The following RPS6KA1 variants were observed in gnomAD, a reference collection of about 807,000 sequenced individuals.
RPS6KA1 encodes ribosomal protein S6 kinase alpha-1.
A neutral mutation model predicts 91.3 loss-of-function variants in RPS6KA1; 48 were observed. That is an observed-to-expected ratio of 0.53 (90% CI 0.42 to 0.67). The LOEUF (loss-of-function observed/expected upper bound fraction) is 0.67. RPS6KA1 is among the 30% of genes least tolerant of loss of function. The pLI is 0.00. For synonymous variants in RPS6KA1, 359 were observed against 384.7 expected (o/e 0.93, Z 0.78); for missense variants, 719 against 960.5 (o/e 0.75, Z 3.32).
At chr1:26,560,460 C>G (rs1031396548) in intron 14 of RPS6KA1, among the ~76,000 whole-genome samples, 2 of 152,214 alleles carry the variant, frequency 1.3e-5, no homozygotes, top group Non-Finnish European at 2.9e-5. Context: ...TGTTGTGACC[C>G]TGTTTCCCAC....
At chr1:26,568,498 C>G (rs1225400473) in intron 17 of RPS6KA1, among the ~76,000 whole-genome samples, 1 of 152,188 alleles carries the variant, frequency 6.6e-6, no homozygotes, top group East Asian at 1.9e-4. Context: ...CCTGTAATCC[C>G]AGCACTTTGG....
rs569800667 is a variant in RPS6KA1, at chr1:26,547,291, G to C, written c.307+21G>C. 6.2e-7 allele frequency: 1 copy of C among 1,607,964 alleles called. No homozygotes were observed. Among genetic ancestry groups the C allele is most frequent in the South Asian group, 1.1e-5 (1 of 90,490 alleles). Reference sequence around the variant, plus strand: ...GAAAGGTGAGTGGGGACACCTCCCTGTGCAGAACCCAGGCTTGGCTGAGGG... The same window carrying C: ...GAAAGGTGAGTGGGGACACCTCCCTCTGCAGAACCCAGGCTTGGCTGAGGG... On this transcript the variant is annotated intron_variant, in intron 4 of 21. Transcript: ENST00000374168. This position sits in a 1 kb window ranked among gnomAD's most constrained non-coding sequence, Gnocchi z 4.1.
intron 6 of RPS6KA1, among the ~76,000 whole-genome samples, chr1:26,552,467 CTT>C (rs1200548875): frequency 8.2e-6 from 1 of 122,286 alleles, no homozygotes; most frequent in Non-Finnish European, 1.7e-5. Flanking sequence ...GAGAATCTAG[CTT>C]TTTTTTTTTT....
At chr1:26,539,777 A>G (rs1284178652) in intron 2 of RPS6KA1, among the ~76,000 whole-genome samples, 1 of 152,180 alleles carries the variant, frequency 6.6e-6, no homozygotes, top group East Asian at 1.9e-4. Flanking sequence ...GTGGTACCCT[A>G]AGGCACACCG....
chr1:26,554,328 G>A lies in RPS6KA1; in HGVS notation c.613+77G>A. 1 of 1,431,670 alleles carries A rather than the reference G, an allele frequency of 7.0e-7. No individual in the cohort carries two copies. Among genetic ancestry groups the A allele is most frequent in the Non-Finnish European group, 9.5e-7 (1 of 1,049,394 alleles). 88.7% of individuals were successfully genotyped at this position (1,431,670 alleles called of 1,614,324 possible). ...TCATGATAGGTCTCGGCTGAGTGCT[G>A]GGGGCTCATTCTTCCCGAGAAGCCG... On this transcript the variant is annotated intron_variant, in intron 8 of 21. Transcript: ENST00000374168. The surrounding 1 kb of genome is among the most constrained non-coding windows in gnomAD (Gnocchi z 4.6).
chr1:26,552,589 CA>C (rs1314723068), intron 6 of RPS6KA1, among the ~76,000 whole-genome samples: 13 of 149,076 alleles, frequency 8.7e-5, no homozygotes, highest in Non-Finnish European at 1.3e-4. Context: ...CGGGTTCAAG[CA>C]ATTCTCCTGC....
chr1:26,547,051 T>G lies in RPS6KA1; in HGVS notation c.225+68T>G. The G allele has an allele frequency of 1.3e-6, 2 of 1,530,188 alleles. No individual in the cohort carries two copies. The highest frequency in any genetic ancestry group is 1.8e-6 in the Non-Finnish European group (2 of 1,104,148). The allele number at this position is 1,530,188 out of a possible 1,614,324, so 94.8% of individuals were successfully genotyped here. A position where few individuals can be genotyped will look rare whatever the true frequency, so the allele number is the denominator to read the frequency against. On this transcript the variant is annotated intron_variant, in intron 3 of 21. Transcript: ENST00000374168. This position sits in a 1 kb window ranked among gnomAD's most constrained non-coding sequence, Gnocchi z 4.1. ...TTAGAGGTGGGGGTCAAGGGTCACCTAGGGGCCCAAAGGATCAGAGGTCAC... is the reference window on the plus strand; with the variant it reads ...TTAGAGGTGGGGGTCAAGGGTCACCGAGGGGCCCAAAGGATCAGAGGTCAC...
At position 26,558,373 on chromosome 1, in the gene RPS6KA1, G is replaced by A. The variant is rs3790645; in HGVS notation, c.1085-434G>A. 0.35 allele frequency among the ~76,000 whole-genome samples: 52,697 copies of A among 152,026 alleles called. 10,012 individuals carry two copies. The highest frequency in any genetic ancestry group is 0.76 in the East Asian group (3,894 of 5,156). Reference sequence around the variant, plus strand: ...GGAGAGAGAGGAGGTGAGGATCACAGGGCCCTCAATTGCCAGACTCAGGAG... The same window carrying A: ...GGAGAGAGAGGAGGTGAGGATCACAAGGCCCTCAATTGCCAGACTCAGGAG... On this transcript the variant is annotated intron_variant, in intron 13 of 21. Transcript: ENST00000374168. The surrounding 1 kb of genome is among the most constrained non-coding windows in gnomAD (Gnocchi z 4.0).
chr1:26,566,060 ATTCT>A (rs2076199018), intron 17 of RPS6KA1, among the ~76,000 whole-genome samples: 1 of 151,338 alleles, frequency 6.6e-6, no homozygotes, highest in Non-Finnish European at 1.5e-5. Flanking sequence ...CTGTTGTGAC[ATTCT>A]ATCTGTTGAT....
intron 20 of RPS6KA1, 45 bp from the exon 21 acceptor site, chr1:26,573,179 T>C: frequency 6.2e-7 from 1 of 1,600,520 alleles, no homozygotes; most frequent in South Asian, 1.1e-5. Context: ...AGGGGCCTGC[T>C]CCCCTGCAGC....
Position 26,554,046 on chromosome 1 carries a change from A to G in RPS6KA1, c.576-168A>G, listed in dbSNP as rs1019483305. On this transcript the variant is annotated intron_variant, in intron 7 of 21. Transcript: ENST00000374168. The surrounding 1 kb of genome is among the most constrained non-coding windows in gnomAD (Gnocchi z 4.6). The stretch of plus-strand genomic sequence containing the variant: ...TCAAGGATTAGCAAAAAAGATAGGC[A>G]ACACCCCTGCGTGGTACTGCTACCA... 2.1e-5 allele frequency: 13 copies of G among 616,176 alleles called. No homozygotes were observed. In the African/African-American group the frequency reaches 2.4e-4, roughly 12 times the overall value. 38.2% of individuals were successfully genotyped at this position (616,176 alleles called of 1,614,324 possible).
chr1:26,560,939 A>C, intron 15 of RPS6KA1, 88 bp downstream of exon 15: 1 of 1,605,598 alleles, frequency 6.2e-7, no homozygotes, highest in Non-Finnish European at 8.5e-7. Flanking sequence ...TGAGCTCTGC[A>C]GATGTATGAA....
At chr1:26,562,536 A>G (rs1486996939) in intron 17 of RPS6KA1, among the ~76,000 whole-genome samples, 2 of 152,214 alleles carry the variant, frequency 1.3e-5, no homozygotes. Context: ...GGACTGCAGA[A>G]GAGGTATAGG....
chr1:26,561,716 G>T lies in RPS6KA1; in HGVS notation c.1590+53G>T. The T allele has an allele frequency of 6.6e-7, 1 of 1,525,300 alleles. No homozygotes were observed. Among genetic ancestry groups the T allele is most frequent in the Non-Finnish European group, 8.9e-7 (1 of 1,129,842 alleles). The allele number at this position is 1,525,300 out of a possible 1,614,324, so 94.5% of individuals were successfully genotyped here. A position where few individuals can be genotyped will look rare whatever the true frequency, so the allele number is the denominator to read the frequency against. On this transcript the variant is annotated intron_variant, in intron 17 of 21. Coordinates refer to ENST00000374168, the MANE Select transcript of RPS6KA1 (RefSeq NM_002953.4). This position sits in a 1 kb window ranked among gnomAD's most constrained non-coding sequence, Gnocchi z 5.7. The stretch of plus-strand genomic sequence containing the variant: ...GGGGATGCCAAGGGTCATATCATCA[G>T]CAGAGAACATGAACCACCTGCTGGC...
chr1:26,551,325 C>T lies in RPS6KA1; in HGVS notation c.308-72C>T. ...TGGAGGAACAAGTGGAAAAGAGATC[C>T]CTTAGCGGGGGCTTGGGAGTGGCTG... On this transcript the variant is annotated intron_variant, in intron 4 of 21. Transcript: ENST00000374168. This position sits in a 1 kb window ranked among gnomAD's most constrained non-coding sequence, Gnocchi z 4.5. 1 of 1,341,376 alleles carries T rather than the reference C, an allele frequency of 7.5e-7. No individual in the cohort carries two copies. The highest frequency in any genetic ancestry group is 2.3e-5 in the East Asian group (1 of 43,226). 83.1% of individuals were successfully genotyped at this position (1,341,376 alleles called of 1,614,324 possible).
At position 26,555,590 on chromosome 1, in the gene RPS6KA1, G is replaced by A; in HGVS notation, c.881G>A (p.Arg294Gln). Reference sequence around the variant, plus strand: ...AGCACTGAAGCCCAGAGCCTCTTGCGGGCCCTGTTCAAGCGGAATCCTGCC... The same window carrying A: ...AGCACTGAAGCCCAGAGCCTCTTGCAGGCCCTGTTCAAGCGGAATCCTGCC... ...FLSTEAQSLL[R>Q]ALFKRNPANR... The change falls in exon 11 of 22, where the codon CGG (arginine) becomes CAG (glutamine). Residue 294 changes from arginine (R) to glutamine (Q), a missense_variant. Arg to Gln is a conservative substitution (Grantham distance 43). This residue lies in a region of RPS6KA1 where 228 missense variants were observed against 247.6 expected (regional missense o/e 0.92). Coordinates refer to ENST00000374168, the MANE Select transcript of RPS6KA1 (RefSeq NM_002953.4). This position sits in a 1 kb window ranked among gnomAD's most constrained non-coding sequence, Gnocchi z 4.3. 2.5e-6 allele frequency: 4 copies of A among 1,601,778 alleles called. No homozygotes were observed. Among genetic ancestry groups the A allele is most frequent in the Admixed American group, 1.7e-5 (1 of 59,000 alleles).
chr1:26,551,848 T>G lies in RPS6KA1; in HGVS notation c.468+125T>G. The G allele has an allele frequency of 1.3e-6, 1 of 794,532 alleles. No individual in the cohort carries two copies. The highest frequency in any genetic ancestry group is 2.1e-6 in the Non-Finnish European group (1 of 469,398). 49.2% of individuals were successfully genotyped at this position (794,532 alleles called of 1,614,324 possible). ...GAACCTGGAACCACCCAGGCCTGCCTAGCAGCCCCTGGCCCAGGAAATACC... is the reference window on the plus strand; with the variant it reads ...GAACCTGGAACCACCCAGGCCTGCCGAGCAGCCCCTGGCCCAGGAAATACC... On this transcript the variant is annotated intron_variant, in intron 6 of 21. Coordinates refer to ENST00000374168, the MANE Select transcript of RPS6KA1 (RefSeq NM_002953.4). The surrounding 1 kb of genome is among the most constrained non-coding windows in gnomAD (Gnocchi z 4.5).
rs1267734580 is a variant in RPS6KA1 at position 26,554,927 on chromosome 1, G to A, written c.756+189G>A. On this transcript the variant is annotated intron_variant, in intron 9 of 21. Coordinates refer to ENST00000374168, the MANE Select transcript of RPS6KA1 (RefSeq NM_002953.4). This position sits in a 1 kb window ranked among gnomAD's most constrained non-coding sequence, Gnocchi z 4.6. ...TCCCAGGCTTGACCCCACCTGGGAC[G>A]CGCCTAACCCAGTGCTGGCCTTCTC... is the stretch of plus-strand genomic sequence containing the variant. Among the ~76,000 whole-genome samples the A allele has an allele frequency of 2.6e-5, 4 of 152,198 alleles. No individual in the cohort carries two copies. Among genetic ancestry groups the A allele is most frequent in the Admixed American group, 6.5e-5 (1 of 15,276 alleles).
chr1:26,562,825 C>CCTTTTTTTT (rs1553133561), intron 17 of RPS6KA1, among the ~76,000 whole-genome samples: 2 of 81,432 alleles, frequency 2.5e-5, no homozygotes, highest in Non-Finnish European at 2.3e-5. Context: ...TCCTATTGTC[C>CCTTTTTTTT]TTTTTTTTTT....
Sources: gnomAD v4.1 joint callset for allele counts (sites outside exome capture counted in the v4.1 genomes callset) on GRCh38, gnomAD v4.1.1 for gene constraint, gnomAD v4.1.1 regional missense constraint, Gnocchi (gnomAD v3.1) non-coding constraint, MANE v1.5 for transcripts, NCBI Gene and HGNC (gene_info 2026-07-23, HGNC 2026-07-21) for gene names.